CEP112: variants seen among roughly 807,000 people sequenced by gnomAD.
The protein encoded by CEP112 is centrosomal protein 112, also known as centrosomal protein of 112 kDa.
CEP112 carries 127 observed loss-of-function variants against 153.0 expected under a neutral mutation model. That is an observed-to-expected ratio of 0.83 (90% CI 0.72 to 0.96). The LOEUF is 0.96. Ranked by LOEUF, CEP112 falls within the 40% of genes least tolerant of loss-of-function variation. The pLI, the probability that CEP112 is intolerant of heterozygous loss-of-function variation, is 0.00. For synonymous variants in CEP112, 358 were observed against 374.4 expected (o/e 0.96, Z 0.51); for missense variants, 1,089 against 1,101.2 (o/e 0.99, Z 0.16).
intron 21 of CEP112, 119 bp downstream of exon 21, chr17:65,851,681 GTTTA>G: frequency 1.4e-6 from 1 of 695,586 alleles, no homozygotes; most frequent in South Asian, 1.8e-5. Context: ...CGACTGAAGA[GTTTA>G]TACATTTAAA....
Position 66,148,958 on chromosome 17 carries a change from A to G in CEP112, c.471-16195T>C, listed in dbSNP as rs550516449. Among the ~76,000 whole-genome samples the G allele has an allele frequency of 9.2e-5, 14 of 152,290 alleles. No individual in the cohort carries two copies. In the South Asian group the frequency reaches 1.9e-3, roughly 20 times the overall value. On this transcript the variant is annotated intron_variant, in intron 4 of 26. Transcript: ENST00000535342. The stretch of plus-strand genomic sequence containing the variant: ...GTCTTTCACTATAAGAATAATGTCT[A>G]TAGGCTTTAAATAGATGGCGTTTAT...
intron 21 of CEP112, among the ~76,000 whole-genome samples, chr17:65,772,834 T>C (rs1420182253): frequency 2.0e-5 from 3 of 151,900 alleles, no homozygotes; most frequent in Non-Finnish European, 4.4e-5. Context: ...AAGGAAAAAA[T>C]ATGAGATACC....
chr17:65,654,984 G>C (rs1277520939), intron 24 of CEP112: 2 of 690,416 alleles, frequency 2.9e-6, no homozygotes, highest in Non-Finnish European at 5.3e-6. Flanking sequence ...ATTGGCAAAG[G>C]GAACCTGATA....
At chr17:66,024,428 T>TC (rs1403306934) in intron 16 of CEP112, among the ~76,000 whole-genome samples, 3 of 151,808 alleles carry the variant, frequency 2.0e-5, no homozygotes, top group Middle Eastern at 3.4e-3. Flanking sequence ...TAACAATTTC[T>TC]CCCCCCAAAA....
At chr17:66,167,522 G>C (rs1328094499) in intron 4 of CEP112, among the ~76,000 whole-genome samples, 3 of 152,170 alleles carry the variant, frequency 2.0e-5, no homozygotes, top group African/African-American at 7.2e-5. Context: ...TGGTTGCCAA[G>C]TGTCAGAAGT....
chr17:65,878,850 G>T (rs543783961), intron 20 of CEP112, among the ~76,000 whole-genome samples: 32 of 151,770 alleles, frequency 2.1e-4, no homozygotes, highest in African/African-American at 7.2e-4. Context: ...AAAAAAAATG[G>T]AATGAACAAT....
chr17:65,868,274 C>CG (rs1231109341), intron 20 of CEP112, among the ~76,000 whole-genome samples: 2 of 151,906 alleles, frequency 1.3e-5, no homozygotes, highest in East Asian at 3.9e-4. Context: ...GCGAAGAAGA[C>CG]GGATCAATTG....
At chr17:66,150,303 T>C (rs1047455283) in intron 4 of CEP112, among the ~76,000 whole-genome samples, 1 of 150,600 alleles carries the variant, frequency 6.6e-6, no homozygotes, top group Non-Finnish European at 1.5e-5. Context: ...GCTCCAGCAA[T>C]TCTTGTGACT....
chr17:66,160,625 T>C (rs1244242776), intron 4 of CEP112, among the ~76,000 whole-genome samples: 2 of 152,212 alleles, frequency 1.3e-5, no homozygotes, highest in African/African-American at 4.8e-5. Context: ...TTGGGAAAAC[T>C]GGCTAGCCAT....
chr17:65,880,942 T>C (rs1568162269), intron 20 of CEP112, among the ~76,000 whole-genome samples: 1 of 151,980 alleles, frequency 6.6e-6, no homozygotes, highest in African/African-American at 2.4e-5. Context: ...ATGGGCCAGG[T>C]GTGGTGGCTC....
At chr17:66,147,129 A>G (rs1193887723) in intron 4 of CEP112, among the ~76,000 whole-genome samples, 1 of 151,882 alleles carries the variant, frequency 6.6e-6, no homozygotes, top group Non-Finnish European at 1.5e-5. Flanking sequence ...ATTCTTACCA[A>G]CAGTGCACAG....
At chr17:65,732,425 A>G (rs2050565058) in intron 23 of CEP112, among the ~76,000 whole-genome samples, 1 of 152,240 alleles carries the variant, frequency 6.6e-6, no homozygotes, top group South Asian at 2.1e-4. Context: ...ATCATTCTTT[A>G]GCATCCTAGG....
chr17:65,847,475 A>T (rs1359112116), intron 21 of CEP112, among the ~76,000 whole-genome samples: 3 of 152,200 alleles, frequency 2.0e-5, no homozygotes, highest in African/African-American at 7.2e-5. Flanking sequence ...AAGAATACAG[A>T]TGCTATTAGC....
At chr17:65,653,129 T>C (rs1396451377) in intron 24 of CEP112, among the ~76,000 whole-genome samples, 1 of 152,132 alleles carries the variant, frequency 6.6e-6, no homozygotes, top group Non-Finnish European at 1.5e-5. Flanking sequence ...ACCATCACAT[T>C]GGGGATTAGG....
intron 18 of CEP112, among the ~76,000 whole-genome samples, chr17:65,957,260 AG>A (rs1355750288): frequency 1.3e-5 from 2 of 152,256 alleles, no homozygotes; most frequent in Admixed American, 1.3e-4. Context: ...ACGCTAAAAA[AG>A]AAAAAGTCAA....
chr17:65,792,750 G>A (rs567494595), intron 21 of CEP112, among the ~76,000 whole-genome samples: 2 of 152,088 alleles, frequency 1.3e-5, no homozygotes, highest in Admixed American at 1.3e-4. Flanking sequence ...GAACTTAGAT[G>A]TTTGAAAAAA....
Position 65,798,339 on chromosome 17 carries a change from T to C in CEP112, c.2395-47615A>G, listed in dbSNP as rs8077779. Among the ~76,000 whole-genome samples, 1,138 of 152,296 alleles carry C rather than the reference T, an allele frequency of 7.5e-3. 12 individuals carry two copies. The highest frequency in any genetic ancestry group is 0.026 in the African/African-American group (1,082 of 41,558). On this transcript the variant is annotated intron_variant, in intron 21 of 26. Transcript: ENST00000535342. ...GTGAAATATTCTTTATCTGAATTAG[T>C]GTATACTGGGGAAAGGCTAGCTGGC...
At chr17:65,974,840 G>A (rs960633221) in intron 17 of CEP112, among the ~76,000 whole-genome samples, 4 of 152,096 alleles carry the variant, frequency 2.6e-5, no homozygotes, top group African/African-American at 4.8e-5. Context: ...ATCCACAGAA[G>A]TGGCTTGGAA....
At chr17:66,130,105 T>C (rs1293082883) in intron 5 of CEP112, among the ~76,000 whole-genome samples, 1 of 152,088 alleles carries the variant, frequency 6.6e-6, no homozygotes, top group Non-Finnish European at 1.5e-5. Flanking sequence ...TGTCTGGTAA[T>C]GCTGTATTGC....
Sources: allele counts gnomAD v4.1 joint callset (sites outside exome capture counted in the v4.1 genomes callset), GRCh38; gene constraint gnomAD v4.1.1; transcripts MANE v1.5; gene names NCBI Gene and HGNC (gene_info 2026-07-23, HGNC 2026-07-21).